SYTL5: variants seen among roughly 807,000 people sequenced by gnomAD.
SYTL5 encodes synaptotagmin like 5.
SYTL5 carries 34 observed loss-of-function variants against 55.9 expected under a neutral mutation model. That is an observed-to-expected ratio of 0.61 (90% CI 0.46 to 0.81). SYTL5 has a LOEUF of 0.81. Ranked by LOEUF, SYTL5 falls within the 30% of genes least tolerant of loss-of-function variation. SYTL5 has a pLI of 0.00. For synonymous variants in SYTL5, 221 were observed against 188.7 expected, an observed-to-expected ratio of 1.17 and a Z score of -1.40; for missense variants, 637 against 546.7, an observed-to-expected ratio of 1.17 and a Z score of -1.65.
At chrX:38,042,734 C>G (rs1235232918) in intron 2 of SYTL5, among the ~76,000 whole-genome samples, 1 of 111,750 alleles carries the variant, frequency 8.9e-6, no homozygotes, top group Non-Finnish European at 1.9e-5. Flanking sequence ...CAGAACCTGG[C>G]TGAATGTTGG....
At chrX:38,010,048 C>T (rs1351725028) in intron 1 of SYTL5, among the ~76,000 whole-genome samples, 1 of 112,108 alleles carries the variant, frequency 8.9e-6, no homozygotes, top group Non-Finnish European at 1.9e-5. Flanking sequence ...GTCAGATGAC[C>T]TGAGTTTGAA....
At chrX:37,980,822 G>A in the SYTL5 span, among the ~76,000 whole-genome samples, 1 of 112,105 alleles carries the variant, frequency 8.9e-6, no homozygotes. Flanking sequence ...CAGTATATAG[G>A]ATGGAATCTC....
At chrX:37,951,642 G>A in the SYTL5 span, among the ~76,000 whole-genome samples, 3 of 111,102 alleles carry the variant, frequency 2.7e-5, no homozygotes, top group Non-Finnish European at 5.7e-5. Flanking sequence ...GAGGCCCAGG[G>A]ATTGCTTTCT....
Position 38,126,667 on chromosome X carries a change from C to T in SYTL5, c.2130C>T (p.Asn710=). The part of the protein sequence containing the change: ...EQRLWQKMAN[N]PGTPFEGVLM... The stretch of plus-strand genomic sequence containing the variant: ...GCCTTTGGCAGAAGATGGCCAACAA[C>T]CCTGGAACTCCCTTTGAGGGTGTAC... Residue 710 remains asparagine, a synonymous_variant, in exon 17 of 17, where the codon AAC becomes AAT. Coordinates refer to ENST00000297875, the MANE Select transcript of SYTL5 (RefSeq NM_138780.3). 8.3e-7 allele frequency: 1 copy of T among 1,209,962 alleles called. No homozygotes were observed. The highest frequency in any genetic ancestry group is 1.1e-6 in the Non-Finnish European group (1 of 894,610).
At chrX:38,043,579 C>A (rs1255172759) in intron 2 of SYTL5, among the ~76,000 whole-genome samples, 2 of 101,262 alleles carry the variant, frequency 2.0e-5, no homozygotes, top group African/African-American at 3.6e-5. Flanking sequence ...ATTAAAGTCT[C>A]ACATAGAATT....
chrX:37,933,503 C>T, the SYTL5 span, among the ~76,000 whole-genome samples: 1 of 111,665 alleles, frequency 9.0e-6, no homozygotes, highest in Non-Finnish European at 1.9e-5. Flanking sequence ...GTCTGTGGTT[C>T]CCTGAAAGAT....
At chrX:37,889,350 G>A in the SYTL5 span, among the ~76,000 whole-genome samples, 21,455 of 111,162 alleles carry the variant, frequency 0.19, 4,044 homozygotes, top group African/African-American at 0.59. Flanking sequence ...CTCTTGCGTC[G>A]TGGTGTGGCC....
the SYTL5 span, among the ~76,000 whole-genome samples, chrX:37,934,382 T>C: frequency 9.2e-6 from 1 of 108,749 alleles, no homozygotes; most frequent in South Asian, 4.0e-4. Context: ...AAAAGAAACT[T>C]GCAAGTTGAA....
At chrX:37,941,542 CT>C in the SYTL5 span, among the ~76,000 whole-genome samples, 77 of 110,930 alleles carry the variant, frequency 6.9e-4, 1 homozygote, top group African/African-American at 1.8e-3. Context: ...TGTCTGAGGG[CT>C]TTTTTTCCCC....
chrX:38,121,632 G>C (rs1169531953), intron 14 of SYTL5, among the ~76,000 whole-genome samples: 1 of 112,517 alleles, frequency 8.9e-6, no homozygotes, highest in Non-Finnish European at 1.9e-5. Flanking sequence ...AGCCTCTAGA[G>C]CTGGCTCTGA....
At chrX:38,047,976 G>A (rs1935513864) in intron 2 of SYTL5, among the ~76,000 whole-genome samples, 1 of 110,653 alleles carries the variant, frequency 9.0e-6, no homozygotes, top group African/African-American at 3.3e-5. Context: ...CACAAGGTCA[G>A]GAGATCGAGA....
chrX:37,966,440 T>C, the SYTL5 span, among the ~76,000 whole-genome samples: 6 of 91,185 alleles, frequency 6.6e-5, no homozygotes, highest in Non-Finnish European at 1.3e-4. Flanking sequence ...CTTTTTCTTT[T>C]TTTTTTTTTT....
intron 13 of SYTL5, among the ~76,000 whole-genome samples, chrX:38,119,747 C>G (rs1602416738): frequency 8.9e-6 from 1 of 112,500 alleles, no homozygotes; most frequent in African/African-American, 3.2e-5. Flanking sequence ...GTCTTACAAA[C>G]AGTCTTACAA....
chrX:38,067,133 T>G (rs1936120028), intron 3 of SYTL5, among the ~76,000 whole-genome samples: 1 of 111,845 alleles, frequency 8.9e-6, no homozygotes, highest in Admixed American at 9.5e-5. Context: ...ATGACTCAAG[T>G]GCATTATCTG....
In SYTL5 at chrX:38,033,994, G is replaced by C; in HGVS notation, c.105G>C (p.Glu35Asp). ...LKRDEYLKKV[E>D]DKRIRKLKNE... is the part of the protein sequence containing the mutation. ...GAGATGAATATTTGAAAAAAGTGGA[G>C]GACAAGAGAATAAGGTAGTATTCTT... is the stretch of plus-strand genomic sequence containing the variant. Residue 35 changes from glutamate to aspartate, a missense_variant, in exon 2 of 17, where the codon GAG (glutamate) becomes GAC (aspartate). By Grantham distance (45) the Glu-to-Asp change is conservative. Coordinates refer to ENST00000297875, the MANE Select transcript of SYTL5 (RefSeq NM_138780.3). 1 of 1,151,151 alleles carries C rather than the reference G, an allele frequency of 8.7e-7. No individual in the cohort carries two copies. Among genetic ancestry groups the C allele is most frequent in the Non-Finnish European group, 1.2e-6 (1 of 845,370 alleles). The allele number at this position is 1,151,151 out of a possible 1,213,427, so 94.9% of individuals were successfully genotyped here. A position where few individuals can be genotyped will look rare whatever the true frequency, so the allele number is the denominator to read the frequency against.
chrX:37,967,050 TTTG>T, the SYTL5 span, among the ~76,000 whole-genome samples: 4 of 111,204 alleles, frequency 3.6e-5, no homozygotes, highest in South Asian at 3.8e-4. Flanking sequence ...CAAAGGGGTT[TTTG>T]TTGTTGTTGT....
At chrX:38,026,434 C>A (rs1409652977) in intron 1 of SYTL5, among the ~76,000 whole-genome samples, 1 of 111,570 alleles carries the variant, frequency 9.0e-6, no homozygotes, top group African/African-American at 3.3e-5. Context: ...CGATCCAGAT[C>A]CCAAGAGTGG....
intron 13 of SYTL5, among the ~76,000 whole-genome samples, chrX:38,112,235 A>G (rs1937376853): frequency 9.0e-6 from 1 of 111,611 alleles, no homozygotes; most frequent in African/African-American, 3.3e-5. Flanking sequence ...CTTTTTGCCT[A>G]TGTAAGCAGA....
the SYTL5 span, among the ~76,000 whole-genome samples, chrX:37,969,086 C>T: frequency 1.8e-5 from 2 of 111,380 alleles, no homozygotes; most frequent in African/African-American, 6.5e-5. Context: ...TAGTTTTATC[C>T]GTATAAGTTC....
Sources: gnomAD v4.1 joint callset for allele counts (sites outside exome capture counted in the v4.1 genomes callset) on GRCh38, gnomAD v4.1.1 for gene constraint, MANE v1.5 for transcripts, NCBI Gene and HGNC (gene_info 2026-07-23, HGNC 2026-07-21) for gene names.